The following GPATCH2 variants were observed in gnomAD, a reference collection of about 807,000 sequenced individuals.
The protein encoded by GPATCH2 is G-patch domain containing 2, also known as G patch domain-containing protein 2.
Under a neutral mutation model 58.0 loss-of-function variants are expected in GPATCH2, and 51 were observed. The ratio of observed to expected loss-of-function variants is 0.88; its 90% confidence interval spans 0.70 to 1.11. GPATCH2 has a LOEUF of 1.11. Among genes scored for constraint, GPATCH2 ranks in the 50% most tolerant of loss-of-function variants. The pLI is 0.00. For missense variants in GPATCH2, 625 were observed against 652.2 expected (o/e 0.96, Z 0.45); for synonymous variants, 222 against 218.5 (o/e 1.02, Z -0.14).
chr1:217,537,370 A>G (rs966372362), intron 5 of GPATCH2, among the ~76,000 whole-genome samples: 3 of 152,186 alleles, frequency 2.0e-5, no homozygotes, highest in African/African-American at 7.2e-5. Context: ...TAGGTGTTCA[A>G]TATATGTTTG....
At chr1:217,448,873 C>T (rs111848286) in intron 9 of GPATCH2, among the ~76,000 whole-genome samples, 74 of 152,226 alleles carry the variant, frequency 4.9e-4, no homozygotes, top group Non-Finnish European at 8.1e-4. Flanking sequence ...TTTGGGGCTG[C>T]GGCTATACTT....
chr1:217,489,724 T>C (rs1470972057), intron 8 of GPATCH2, among the ~76,000 whole-genome samples: 2 of 152,102 alleles, frequency 1.3e-5, no homozygotes, highest in Non-Finnish European at 2.9e-5. Context: ...TAGCCGGGTG[T>C]GGCGGCACAT....
At chr1:217,502,053 G>A (rs902548325) in intron 6 of GPATCH2, among the ~76,000 whole-genome samples, 4 of 151,302 alleles carry the variant, frequency 2.6e-5, no homozygotes, top group African/African-American at 9.7e-5. Context: ...ATTTTTGGGG[G>A]TCTCTATTCT....
intron 5 of GPATCH2, among the ~76,000 whole-genome samples, chr1:217,517,704 T>C (rs1409903000): frequency 1.3e-5 from 2 of 152,134 alleles, no homozygotes; most frequent in African/African-American, 4.8e-5. Context: ...TTCTAGCATA[T>C]AATTAAGTAT....
At chr1:217,525,550 C>T (rs1663861151) in intron 5 of GPATCH2, among the ~76,000 whole-genome samples, 2 of 152,098 alleles carry the variant, frequency 1.3e-5, no homozygotes, top group Admixed American at 6.5e-5. Context: ...AACCCACATA[C>T]ATAGAAAATA....
At chr1:217,622,833 C>G (rs532559887) in intron 1 of GPATCH2, among the ~76,000 whole-genome samples, 15 of 152,212 alleles carry the variant, frequency 9.9e-5, no homozygotes, top group Admixed American at 6.5e-5. Context: ...TGAGCCACCA[C>G]GCCCAGCCCC....
intron 5 of GPATCH2, among the ~76,000 whole-genome samples, chr1:217,544,092 C>T (rs1441328409): frequency 4.6e-5 from 7 of 152,110 alleles, no homozygotes; most frequent in Admixed American, 4.6e-4. Flanking sequence ...AACATCTGAA[C>T]TGAGATATGA....
intron 5 of GPATCH2, among the ~76,000 whole-genome samples, chr1:217,606,949 G>T (rs1407432701): frequency 6.6e-6 from 1 of 152,128 alleles, no homozygotes; most frequent in East Asian, 1.9e-4. Context: ...TTATGCAAAA[G>T]TAAGTATTGT....
At chr1:217,439,687 C>T (rs1038631674) in intron 9 of GPATCH2, among the ~76,000 whole-genome samples, 1 of 152,122 alleles carries the variant, frequency 6.6e-6, no homozygotes, top group East Asian at 1.9e-4. Context: ...GGGGATATCA[C>T]CACTGATCCC....
At chr1:217,598,667 A>G (rs1667970704) in intron 5 of GPATCH2, among the ~76,000 whole-genome samples, 3 of 151,786 alleles carry the variant, frequency 2.0e-5, no homozygotes, top group Admixed American at 2.0e-4. Context: ...GGGTTTCACC[A>G]TGTTGGCCAG....
chr1:217,592,121 T>C (rs1667622648), intron 5 of GPATCH2, among the ~76,000 whole-genome samples: 1 of 152,034 alleles, frequency 6.6e-6, no homozygotes, highest in South Asian at 2.1e-4. Flanking sequence ...TTCCTTGCCA[T>C]GTACGTAGCC....
At chr1:217,547,226 G>T (rs1665100309) in intron 5 of GPATCH2, among the ~76,000 whole-genome samples, 1 of 152,042 alleles carries the variant, frequency 6.6e-6, no homozygotes, top group South Asian at 2.1e-4. Flanking sequence ...AGCCAGGTGT[G>T]GTGGTGGGCA....
At position 217,563,372 on chromosome 1, in the gene GPATCH2, C is replaced by A. The variant is rs77515962; in HGVS notation, c.1098+46949G>T. On this transcript the variant is annotated intron_variant, in intron 5 of 9. Coordinates refer to ENST00000366935, the MANE Select transcript of GPATCH2 (RefSeq NM_018040.5). ...ATCATACTATATAAAATGCTGCCTC[C>A]TCATGGACTGAGCCAAAATTAATAA... is the stretch of plus-strand genomic sequence containing the variant. Among the ~76,000 whole-genome samples, 1,504 of 152,202 alleles carry A rather than the reference C, an allele frequency of 9.9e-3. 29 individuals carry two copies. Among genetic ancestry groups the A allele is most frequent in the African/African-American group, 0.034 (1,421 of 41,514 alleles).
chr1:217,499,442 C>T (rs560622907), intron 6 of GPATCH2, among the ~76,000 whole-genome samples: 1 of 152,280 alleles, frequency 6.6e-6, no homozygotes, highest in South Asian at 2.1e-4. Context: ...GGGTTTACAT[C>T]TCCTGGGACG....
chr1:217,561,362 C>T (rs777059256), intron 5 of GPATCH2, among the ~76,000 whole-genome samples: 3 of 152,116 alleles, frequency 2.0e-5, no homozygotes, highest in South Asian at 2.1e-4. Flanking sequence ...TATCTAAAAA[C>T]ATACGCACAG....
intron 1 of GPATCH2, among the ~76,000 whole-genome samples, chr1:217,629,360 G>T (rs553086513): frequency 6.6e-6 from 1 of 152,156 alleles, no homozygotes; most frequent in African/African-American, 2.4e-5. Context: ...TTATACTCTG[G>T]TGCCATAAGA....
chr1:217,449,147 GCTT>G, intron 9 of GPATCH2, 99 bp downstream of exon 9: 2 of 725,128 alleles, frequency 2.8e-6, no homozygotes, highest in African/African-American at 1.8e-5. Flanking sequence ...TTGCAACTGT[GCTT>G]CTTCTTCATT....
chr1:217,630,532 C>T (rs1669700209), intron 1 of GPATCH2, among the ~76,000 whole-genome samples: 1 of 152,052 alleles, frequency 6.6e-6, no homozygotes, highest in Non-Finnish European at 1.5e-5. Flanking sequence ...TGGAATTTAT[C>T]TTCCAAAAGA....
At chr1:217,486,796 C>T (rs566756682) in intron 8 of GPATCH2, among the ~76,000 whole-genome samples, 3 of 152,300 alleles carry the variant, frequency 2.0e-5, no homozygotes, top group East Asian at 3.9e-4. Context: ...CATGAAATAA[C>T]CCCTTTGGTT....
Sources: allele counts gnomAD v4.1 joint callset (sites outside exome capture counted in the v4.1 genomes callset), GRCh38; gene constraint gnomAD v4.1.1; transcripts MANE v1.5; gene names NCBI Gene and HGNC (gene_info 2026-07-23, HGNC 2026-07-21).